The following CHN1 variants were observed in gnomAD, a reference collection of about 807,000 sequenced individuals.
CHN1 encodes N-chimaerin.
In CHN1, 37 loss-of-function variants were observed where a neutral mutation model predicts 59.5. The ratio of observed to expected loss-of-function variants is 0.62; its 90% CI spans 0.48 to 0.82. The LOEUF is 0.82. Ranked by LOEUF, CHN1 falls within the 40% of genes least tolerant of loss-of-function variation. The probability of loss-of-function intolerance (pLI) is 0.00; values close to 1 mark genes in which losing one functional copy is unlikely to be tolerated. For missense variants in CHN1, 469 were observed against 571.0 expected, an observed-to-expected ratio of 0.82 and a Z score of 1.82; for synonymous variants, 206 against 200.4, an observed-to-expected ratio of 1.03 and a Z score of -0.24.
chr2:174,874,116 G>A (rs1687488269), intron 6 of CHN1, among the ~76,000 whole-genome samples: 1 of 152,090 alleles, frequency 6.6e-6, no homozygotes, highest in African/African-American at 2.4e-5. Context: ...TCGAAAGTAT[G>A]GTTTGGGGAA....
intron 3 of CHN1, among the ~76,000 whole-genome samples, chr2:174,932,520 T>C (rs73031925): frequency 0.028 from 4,269 of 152,270 alleles, 189 homozygotes; most frequent in African/African-American, 0.097. Flanking sequence ...TATCTCACAG[T>C]TTCCACAGTT....
At chr2:174,925,131 C>T (rs1314745567) in intron 3 of CHN1, among the ~76,000 whole-genome samples, 2 of 152,234 alleles carry the variant, frequency 1.3e-5, no homozygotes, top group South Asian at 2.1e-4. Context: ...ACTAAATGGA[C>T]TCCCTCTTGG....
chr2:174,936,295 A>AG (rs1370566085), intron 3 of CHN1, among the ~76,000 whole-genome samples: 1 of 152,168 alleles, frequency 6.6e-6, no homozygotes, highest in African/African-American at 2.4e-5. Context: ...TGTGGATAGC[A>AG]GGGGGAAAAG....
intron 5 of CHN1, among the ~76,000 whole-genome samples, chr2:174,898,417 T>C (rs1165200439): frequency 6.9e-6 from 1 of 144,692 alleles, no homozygotes; most frequent in African/African-American, 2.6e-5. Context: ...CTGGCCAACA[T>C]GGTGAAATCC....
chr2:174,891,645 A>C (rs1351615091), intron 5 of CHN1, among the ~76,000 whole-genome samples: 4 of 152,110 alleles, frequency 2.6e-5, no homozygotes, highest in African/African-American at 4.8e-5. Flanking sequence ...ACTAAGAGGC[A>C]GTTTATAGTG....
At chr2:174,944,524 A>T (rs1689769901) in intron 3 of CHN1, among the ~76,000 whole-genome samples, 1 of 152,260 alleles carries the variant, frequency 6.6e-6, no homozygotes, top group East Asian at 1.9e-4. Context: ...TTAAAATCAT[A>T]AGCTAAATAC....
chr2:174,809,032 C>T lies in CHN1; in HGVS notation c.975G>A (p.Lys325=), dbSNP rs1381466704. The change falls in exon 11 of 13, where the codon AAG becomes AAA. Residue 325 remains lysine (K), a synonymous_variant. Coordinates refer to ENST00000409900, the MANE Select transcript of CHN1 (RefSeq NM_001822.7). ...CATACATGTTCACAGAAATATCTGC[C>T]TTCTCACCATCTTTTAAGGATGTTG... ...VKMAFDRDGE[K]ADISVNMYED... 1.2e-6 allele frequency: 2 copies of T among 1,606,772 alleles called. No homozygotes were observed. The highest frequency in any genetic ancestry group is 3.4e-5 in the Admixed American group (2 of 59,336).
At chr2:174,912,126 A>G (rs1371619450) in intron 5 of CHN1, among the ~76,000 whole-genome samples, 1 of 152,210 alleles carries the variant, frequency 6.6e-6, no homozygotes, top group Non-Finnish European at 1.5e-5. Flanking sequence ...GGAAATATAA[A>G]AAATACGAAA....
chr2:174,885,281 A>G lies in CHN1; in HGVS notation c.261-7153T>C, dbSNP rs183232253. Among the ~76,000 whole-genome samples the G allele has an allele frequency of 5.1e-3, 764 of 151,238 alleles. 8 individuals are homozygous for G. Among genetic ancestry groups the G allele is most frequent in the African/African-American group, 0.018 (738 of 41,142 alleles). ...CAGAGCGAGACTCGGTCTCAAAAAA[A>G]AGAAAAAAAAATATATATATATAGA... On this transcript the variant is annotated intron_variant, in intron 5 of 12. Coordinates refer to ENST00000409900, the MANE Select transcript of CHN1 (RefSeq NM_001822.7).
At chr2:174,828,137 C>T (rs1685754240) in intron 7 of CHN1, among the ~76,000 whole-genome samples, 1 of 152,140 alleles carries the variant, frequency 6.6e-6, no homozygotes. Flanking sequence ...TACAGGAATT[C>T]ATGCCTGGCA....
intron 4 of CHN1, among the ~76,000 whole-genome samples, chr2:174,917,206 G>A (rs1688872220): frequency 6.6e-6 from 1 of 152,176 alleles, no homozygotes; most frequent in Admixed American, 6.5e-5. Flanking sequence ...GCTGAGACGG[G>A]TGGATCACCT....
At chr2:174,902,289 T>C (rs1257285662) in intron 5 of CHN1, among the ~76,000 whole-genome samples, 1 of 152,172 alleles carries the variant, frequency 6.6e-6, no homozygotes, top group East Asian at 1.9e-4. Flanking sequence ...AAACTAGCCA[T>C]TTCCTACTGT....
Position 174,958,911 on chromosome 2 carries a change from A to G in CHN1, c.20-6709T>C, listed in dbSNP as rs142146969. ...TTCAGCCATGTATTCCCTTCTTACTATCTTGGTCTTCCATGTACACCTGCT... is the reference window on the plus strand; with the variant it reads ...TTCAGCCATGTATTCCCTTCTTACTGTCTTGGTCTTCCATGTACACCTGCT... On this transcript the variant is annotated intron_variant, in intron 1 of 12. Transcript: ENST00000409900. Among the ~76,000 whole-genome samples the G allele has an allele frequency of 9.9e-3, 1,511 of 152,268 alleles. 19 individuals carry two copies. The highest frequency in any genetic ancestry group is 0.012 in the Non-Finnish European group (840 of 68,012).
At chr2:174,971,466 T>G (rs1230079389) in intron 1 of CHN1, among the ~76,000 whole-genome samples, 3 of 152,328 alleles carry the variant, frequency 2.0e-5, no homozygotes, top group Admixed American at 1.3e-4. Flanking sequence ...CAAATGCACC[T>G]TAGGATTCTC....
chr2:174,944,305 C>T (rs1310745521), intron 3 of CHN1, among the ~76,000 whole-genome samples: 1 of 152,074 alleles, frequency 6.6e-6, no homozygotes, highest in East Asian at 1.9e-4. Flanking sequence ...TGTCACATTC[C>T]AATCTGCAAT....
chr2:175,005,318 G>C lies in CHN1; in HGVS notation c.-406C>G. On this transcript the variant is annotated 5_prime_UTR_variant, in exon 1 of 13. Coordinates refer to ENST00000409900, the MANE Select transcript of CHN1 (RefSeq NM_001822.7). ...CAGCAGCAGCCTCGCACAGCCCCCG[G>C]CGGGGCGCGCTCACTCCGCATCCCG... 1 of 1,181,186 alleles carries C rather than the reference G, an allele frequency of 8.5e-7. No individual in the cohort carries two copies. Among genetic ancestry groups the C allele is most frequent in the South Asian group, 1.7e-5 (1 of 58,482 alleles). The allele number at this position is 1,181,186 out of a possible 1,614,324, so 73.2% of individuals were successfully genotyped here.
chr2:174,984,965 A>AATAC (rs1240240258), intron 1 of CHN1, among the ~76,000 whole-genome samples: 2 of 152,212 alleles, frequency 1.3e-5, no homozygotes, highest in Non-Finnish European at 2.9e-5. Flanking sequence ...AACTCTCTAA[A>AATAC]ATACATGGTT....
chr2:174,909,564 C>T (rs1186577171), intron 5 of CHN1, among the ~76,000 whole-genome samples: 1 of 152,200 alleles, frequency 6.6e-6, no homozygotes, highest in Non-Finnish European at 1.5e-5. Flanking sequence ...AGAAATCTTA[C>T]AATTCTGATT....
intron 7 of CHN1, among the ~76,000 whole-genome samples, chr2:174,831,221 T>C (rs1195264845): frequency 6.6e-6 from 1 of 152,222 alleles, no homozygotes; most frequent in African/African-American, 2.4e-5. Flanking sequence ...TAAAAATACA[T>C]TTACCACAAT....
Sources: gnomAD v4.1 joint callset for allele counts (sites outside exome capture counted in the v4.1 genomes callset) on GRCh38, gnomAD v4.1.1 for gene constraint, MANE v1.5 for transcripts, NCBI Gene and HGNC (gene_info 2026-07-23, HGNC 2026-07-21) for gene names.